The following MSRA variants were observed in gnomAD, a reference collection of about 807,000 sequenced individuals.
MSRA encodes the protein mitochondrial peptide methionine sulfoxide reductase.
In MSRA, 54 loss-of-function variants were observed where a neutral mutation model predicts 31.3. The ratio of observed to expected loss-of-function variants is 1.73; its 90% CI spans 1.39 to 2.17. The LOEUF is 2.17. Ranked by LOEUF, MSRA falls within the 30% of genes most tolerant of loss-of-function variation. The probability of loss-of-function intolerance (pLI) is 0.00; values close to 1 mark genes in which losing one functional copy is unlikely to be tolerated. For missense variants in MSRA, 507 were observed against 300.9 expected (o/e 1.69, Z -5.07); for synonymous variants, 169 against 116.5 (o/e 1.45, Z -2.90).
At chr8:10,141,780 T>C (rs941873154) in intron 1 of MSRA, among the ~76,000 whole-genome samples, 2 of 152,054 alleles carry the variant, frequency 1.3e-5, no homozygotes, top group Non-Finnish European at 2.9e-5. Flanking sequence ...AAAATGCCAA[T>C]AAGAATTTGC....
chr8:10,228,022 C>T (rs1030241534), intron 2 of MSRA, among the ~76,000 whole-genome samples: 1 of 152,192 alleles, frequency 6.6e-6, no homozygotes, highest in Non-Finnish European at 1.5e-5. Context: ...CCCCCCTCCC[C>T]TGCTCTCTTC....
At chr8:10,083,105 A>AT (rs11431859) in intron 1 of MSRA, among the ~76,000 whole-genome samples, 30,280 of 152,124 alleles carry the variant, frequency 0.2, 4,132 homozygotes, top group East Asian at 0.55. Context: ...TAGCATTTAA[A>AT]TTGTGACTCT....
intron 1 of MSRA, among the ~76,000 whole-genome samples, chr8:10,061,581 G>A (rs1802731191): frequency 6.6e-6 from 1 of 152,054 alleles, no homozygotes; most frequent in Non-Finnish European, 1.5e-5. Flanking sequence ...TTCACCAAGA[G>A]TGCTGCCCAC....
chr8:10,288,351 G>A lies in MSRA; in HGVS notation c.332-13183G>A, dbSNP rs182358250. 7.2e-4 allele frequency among the ~76,000 whole-genome samples: 109 copies of A among 152,178 alleles called. 1 individual carries two copies. In the South Asian group the frequency reaches 8.5e-3, roughly 12 times the overall value. On this transcript the variant is annotated intron_variant, in intron 3 of 5. Transcript: ENST00000317173. Reference sequence around the variant, plus strand: ...AAGATATTTTTGTCCCCCAAGAACCGATTTTTGCCCCCTTGAAGTGACACC... The same window carrying A: ...AAGATATTTTTGTCCCCCAAGAACCAATTTTTGCCCCCTTGAAGTGACACC...
chr8:10,098,028 C>G (rs1563434959), intron 1 of MSRA, among the ~76,000 whole-genome samples: 1 of 151,812 alleles, frequency 6.6e-6, no homozygotes, highest in Non-Finnish European at 1.5e-5. Context: ...TTTGTGCAAG[C>G]TTTTTTTAAA....
At chr8:10,300,723 A>G (rs765106591) in intron 3 of MSRA, among the ~76,000 whole-genome samples, 1 of 152,204 alleles carries the variant, frequency 6.6e-6, no homozygotes, top group Non-Finnish European at 1.5e-5. Context: ...CTGAAAACAG[A>G]TAGATAAAAA....
At chr8:10,134,165 A>C (rs968660977) in intron 1 of MSRA, among the ~76,000 whole-genome samples, 1 of 152,128 alleles carries the variant, frequency 6.6e-6, no homozygotes, top group African/African-American at 2.4e-5. Flanking sequence ...CTGTGGTGAT[A>C]AATTATGAAA....
intron 1 of MSRA, among the ~76,000 whole-genome samples, chr8:10,168,874 C>T (rs1805364911): frequency 6.6e-6 from 1 of 152,204 alleles, no homozygotes; most frequent in African/African-American, 2.4e-5. Flanking sequence ...TGTATCAATA[C>T]ACCTGATATA....
chr8:10,271,028 A>G (rs994341728), intron 3 of MSRA, among the ~76,000 whole-genome samples: 1 of 151,460 alleles, frequency 6.6e-6, no homozygotes, highest in Non-Finnish European at 1.5e-5. Context: ...TTGTTCTGGC[A>G]ATAAATAACT....
intron 1 of MSRA, among the ~76,000 whole-genome samples, chr8:10,148,319 T>C (rs1803341860): frequency 6.6e-6 from 1 of 151,540 alleles, no homozygotes; most frequent in Non-Finnish European, 1.5e-5. Context: ...TTTTTTTTTT[T>C]ATGAGAAAGG....
At chr8:10,325,315 A>G (rs1802298829) in intron 5 of MSRA, among the ~76,000 whole-genome samples, 1 of 152,068 alleles carries the variant, frequency 6.6e-6, no homozygotes, top group Admixed American at 6.6e-5. Context: ...TATAGGTTAT[A>G]TACCATAATT....
chr8:10,147,942 T>G (rs574841980), intron 1 of MSRA, among the ~76,000 whole-genome samples: 2 of 152,240 alleles, frequency 1.3e-5, no homozygotes, highest in South Asian at 4.1e-4. Context: ...AAAACGACTT[T>G]AGAGGGACCG....
chr8:10,110,219 C>G (rs752139320), intron 1 of MSRA, among the ~76,000 whole-genome samples: 3 of 152,198 alleles, frequency 2.0e-5, no homozygotes, highest in East Asian at 3.8e-4. Context: ...GGGTTTGAAA[C>G]AAGAAAGGTT....
chr8:10,082,370 C>T (rs1026608016), intron 1 of MSRA, among the ~76,000 whole-genome samples: 12 of 152,282 alleles, frequency 7.9e-5, no homozygotes, highest in Admixed American at 3.9e-4. Flanking sequence ...CCTGGTTATT[C>T]CTGCTGCCAA....
intron 3 of MSRA, among the ~76,000 whole-genome samples, chr8:10,246,805 A>G (rs954704233): frequency 1.3e-5 from 2 of 152,248 alleles, no homozygotes; most frequent in African/African-American, 4.8e-5. Flanking sequence ...ACAAACAAAT[A>G]TTTTAATGGT....
In MSRA at chr8:10,288,731, G is replaced by A. The variant is rs145016049; in HGVS notation, c.332-12803G>A. On this transcript the variant is annotated intron_variant, in intron 3 of 5. Transcript: ENST00000317173. Reference sequence around the variant, plus strand: ...ACTTACATTTATTATTAATAGTTTAGTTAGAGCCATGCTTCCTGAGCAATC... The same window carrying A: ...ACTTACATTTATTATTAATAGTTTAATTAGAGCCATGCTTCCTGAGCAATC... 3.5e-3 allele frequency among the ~76,000 whole-genome samples: 537 copies of A among 152,256 alleles called. 3 individuals are homozygous for A. The highest frequency in any genetic ancestry group is 3.7e-3 in the Non-Finnish European group (252 of 68,022).
chr8:10,374,573 A>G (rs987485850), intron 5 of MSRA, among the ~76,000 whole-genome samples: 1 of 152,204 alleles, frequency 6.6e-6, no homozygotes, highest in African/African-American at 2.4e-5. Flanking sequence ...GTGAAATTAC[A>G]ATGTAGGCCT....
chr8:10,288,966 T>G (rs1428103987), intron 3 of MSRA, among the ~76,000 whole-genome samples: 1 of 148,920 alleles, frequency 6.7e-6, no homozygotes, highest in African/African-American at 2.5e-5. Flanking sequence ...TGAGCTTCAA[T>G]AGGAGTGCCA....
chr8:10,261,400 A>C (rs1250519739), intron 3 of MSRA, among the ~76,000 whole-genome samples: 1 of 151,510 alleles, frequency 6.6e-6, no homozygotes, highest in Non-Finnish European at 1.5e-5. Flanking sequence ...AAAAAAAAAA[A>C]AAAAAGACTA....
Sources: gnomAD v4.1 joint callset for allele counts (sites outside exome capture counted in the v4.1 genomes callset) on GRCh38, gnomAD v4.1.1 for gene constraint, MANE v1.5 for transcripts, NCBI Gene and HGNC (gene_info 2026-07-23, HGNC 2026-07-21) for gene names.